IFT81: variants seen among roughly 807,000 people sequenced by gnomAD.
IFT81 encodes intraflagellar transport protein 81 homolog.
A neutral mutation model predicts 102.6 loss-of-function variants in IFT81; 72 were observed. The observed-to-expected ratio is 0.70, with a 90% CI of 0.58 to 0.85. IFT81 has a LOEUF of 0.85. IFT81 is among the 40% of genes least tolerant of loss of function. The pLI, the probability that IFT81 is intolerant of heterozygous loss-of-function variation, is 0.00. For missense variants in IFT81, 723 were observed against 787.3 expected (o/e 0.92, Z 0.98); for synonymous variants, 237 against 242.7 (o/e 0.98, Z 0.22).
chr12:110,130,622 G>A (rs943005661), intron 4 of IFT81, among the ~76,000 whole-genome samples: 5 of 151,960 alleles, frequency 3.3e-5, no homozygotes, highest in African/African-American at 1.2e-4. Flanking sequence ...CCCACCTCGG[G>A]TTCCAAAGTG....
At chr12:110,187,559 C>T (rs142962788) in intron 12 of IFT81, among the ~76,000 whole-genome samples, 1 of 152,194 alleles carries the variant, frequency 6.6e-6, no homozygotes, top group Non-Finnish European at 1.5e-5. Flanking sequence ...GCTACTGTTC[C>T]TGGCCATGTA....
At chr12:110,141,079 CAATGG>C (rs1397074658) in intron 8 of IFT81, among the ~76,000 whole-genome samples, 1 of 151,890 alleles carries the variant, frequency 6.6e-6, no homozygotes, top group Non-Finnish European at 1.5e-5. Flanking sequence ...GGCTAGAGTG[CAATGG>C]CATGATCTTG....
intron 10 of IFT81, among the ~76,000 whole-genome samples, chr12:110,158,810 G>T (rs1216545358): frequency 6.6e-6 from 1 of 151,778 alleles, no homozygotes; most frequent in African/African-American, 2.4e-5. Flanking sequence ...GGATGGTCTC[G>T]ATCTCCTGAC....
intron 11 of IFT81, among the ~76,000 whole-genome samples, chr12:110,166,812 A>G (rs1301180562): frequency 6.6e-6 from 1 of 151,720 alleles, no homozygotes; most frequent in Admixed American, 6.6e-5. Context: ...ACTGTGAACA[A>G]TCATTAATTG....
At chr12:110,199,212 G>T (rs1898151033) in intron 14 of IFT81, among the ~76,000 whole-genome samples, 1 of 151,922 alleles carries the variant, frequency 6.6e-6, no homozygotes, top group South Asian at 2.1e-4. Context: ...GTTCCTTTAG[G>T]TATGGTCCTG....
chr12:110,174,314 G>C lies in IFT81; in HGVS notation c.1189-6108G>C, dbSNP rs1162499356. Reference sequence around the variant, plus strand: ...AAAAAAAAAAAAAAAAAAATTAGCCGGGTGTGGTGGTGTGCCTGTAATCCC... The same window carrying C: ...AAAAAAAAAAAAAAAAAAATTAGCCCGGTGTGGTGGTGTGCCTGTAATCCC... On this transcript the variant is annotated intron_variant, in intron 11 of 18. Coordinates refer to ENST00000242591, the MANE Select transcript of IFT81 (RefSeq NM_014055.4). Among the ~76,000 whole-genome samples the C allele has an allele frequency of 8.7e-5, 13 of 148,904 alleles. No individual in the cohort carries two copies. The East Asian group carries it at 2.5e-3, about 29-fold the overall frequency.
intron 10 of IFT81, among the ~76,000 whole-genome samples, chr12:110,149,720 C>T (rs1394135410): frequency 1.3e-5 from 2 of 152,190 alleles, no homozygotes; most frequent in African/African-American, 2.4e-5. Context: ...CCTAACTCTG[C>T]GTCGTTCTGC....
intron 12 of IFT81, among the ~76,000 whole-genome samples, chr12:110,183,076 T>C (rs111373714): frequency 1.1e-3 from 168 of 152,306 alleles, no homozygotes; most frequent in Non-Finnish European, 2.0e-3. Flanking sequence ...TTCCAGATAG[T>C]GTAGTATGTG....
In IFT81 at chr12:110,143,405, G is replaced by C; in HGVS notation, c.805G>C (p.Glu269Gln). 7.1e-7 allele frequency: 1 copy of C among 1,401,066 alleles called. No homozygotes were observed. Among genetic ancestry groups the C allele is most frequent in the African/African-American group, 1.5e-5 (1 of 66,862 alleles). 86.8% of individuals were successfully genotyped at this position (1,401,066 alleles called of 1,614,324 possible). A position where few individuals can be genotyped will look rare whatever the true frequency, so the allele number is the denominator to read the frequency against. ...PESLMKRLEEEIKFNLYMVTE... is the reference protein window; with the variant it reads ...PESLMKRLEEQIKFNLYMVTE... ...AGGTTTAATGAAGAGGCTAGAGGAG[G>C]AGATAAAATTTAATTTATATATGGT... The change falls in exon 9 of 19, where the codon GAG becomes CAG. Residue 269 changes from glutamate (E) to glutamine (Q), a missense_variant. Transcript: ENST00000242591.
chr12:110,191,122 C>A, intron 13 of IFT81, 74 bp downstream of exon 13: 3 of 1,268,504 alleles, frequency 2.4e-6, no homozygotes, highest in South Asian at 1.5e-5. Context: ...GTTTTATTTT[C>A]AGTGAAACAT....
At chr12:110,186,311 TTCTA>T (rs1318561154) in intron 12 of IFT81, among the ~76,000 whole-genome samples, 1 of 152,182 alleles carries the variant, frequency 6.6e-6, no homozygotes, top group African/African-American at 2.4e-5. Context: ...TTGTAAGATC[TTCTA>T]TCTGTGTTTG....
At position 110,142,353 on chromosome 12, in the gene IFT81, A is replaced by T. The variant is rs1894943848; in HGVS notation, c.782-1029A>T. 2.6e-5 allele frequency among the ~76,000 whole-genome samples: 4 copies of T among 151,958 alleles called. No homozygotes were observed. In the South Asian group the frequency reaches 8.3e-4, roughly 32 times the overall value. On this transcript the variant is annotated intron_variant, in intron 8 of 18. Transcript: ENST00000242591. ...CGGCTAATTTTTGTATTGTTAGTAG[A>T]GACAGGGTTTTGCCATGTTGCCCAG... is the stretch of plus-strand genomic sequence containing the variant.
Position 110,128,934 on chromosome 12 carries a change from TG to T in IFT81, c.249-15del. ...TTAAGTGCGTGTGTGTTTGTGTATG[TG>T]TGTTTCTCTCTTAGGAGTACTTTTC... On this transcript the variant is annotated splice_polypyrimidine_tract_variant and intron_variant, in intron 3 of 18. Transcript: ENST00000242591. 2 of 1,605,382 alleles carry T rather than the reference TG, an allele frequency of 1.2e-6. No homozygotes were observed. The highest frequency in any genetic ancestry group is 1.7e-6 in the Non-Finnish European group (2 of 1,174,258).
chr12:110,198,648 G>A (rs1042064340), intron 14 of IFT81, among the ~76,000 whole-genome samples: 3 of 151,702 alleles, frequency 2.0e-5, no homozygotes, highest in African/African-American at 7.3e-5. Context: ...TCATATTTTT[G>A]TCTCTCTGTG....
chr12:110,128,166 G>A lies in IFT81; in HGVS notation c.248+17G>A, dbSNP rs760316798. Reference sequence around the variant, plus strand: ...CACAGATATGTAAGAATCTGATCACGTATTGAGTTTTTAAAATTATGCTTT... The same window carrying A: ...CACAGATATGTAAGAATCTGATCACATATTGAGTTTTTAAAATTATGCTTT... On this transcript the variant is annotated intron_variant, in intron 3 of 18. Coordinates refer to ENST00000242591, the MANE Select transcript of IFT81 (RefSeq NM_014055.4). The A allele has an allele frequency of 1.3e-5, 19 of 1,487,230 alleles. No homozygotes were observed. Among genetic ancestry groups the A allele is most frequent in the Middle Eastern group, 1.7e-4 (1 of 5,826 alleles). 92.1% of individuals were successfully genotyped at this position (1,487,230 alleles called of 1,614,324 possible).
Position 110,194,567 on chromosome 12 carries a change from C to G in IFT81, c.1557+1861C>G, listed in dbSNP as rs574675326. Among the ~76,000 whole-genome samples the G allele has an allele frequency of 2.0e-5, 3 of 152,168 alleles. No individual in the cohort carries two copies. In the East Asian group the frequency reaches 5.8e-4, roughly 29 times the overall value. On this transcript the variant is annotated intron_variant, in intron 14 of 18. Coordinates refer to ENST00000242591, the MANE Select transcript of IFT81 (RefSeq NM_014055.4). ...GGGATTATAGGCGTGAGCCACCACA[C>G]CCACCCTGTTTATATTTTAGAGTAT... is the stretch of plus-strand genomic sequence containing the variant.
intron 14 of IFT81, among the ~76,000 whole-genome samples, chr12:110,199,032 C>T (rs1898141046): frequency 6.6e-6 from 1 of 152,106 alleles, no homozygotes; most frequent in Admixed American, 6.5e-5. Context: ...TGGTCTCAAA[C>T]TCCTGACCTC....
intron 11 of IFT81, chr12:110,169,253 C>A (rs1379469398): frequency 6.6e-6 from 1 of 151,920 alleles, no homozygotes; most frequent in African/African-American, 2.4e-5. Flanking sequence ...TTAATTATGC[C>A]CTCTGTGACT....
At chr12:110,216,176 G>T (rs1476562245) in intron 18 of IFT81, among the ~76,000 whole-genome samples, 1 of 151,634 alleles carries the variant, frequency 6.6e-6, no homozygotes. Flanking sequence ...TGGTTTGGTT[G>T]TTTTGTTTTG....
Sources: gnomAD v4.1 joint callset for allele counts (sites outside exome capture counted in the v4.1 genomes callset) on GRCh38, gnomAD v4.1.1 for gene constraint, MANE v1.5 for transcripts, NCBI Gene and HGNC (gene_info 2026-07-23, HGNC 2026-07-21) for gene names.